The following ZNF133 variants were observed in gnomAD, a reference collection of about 807,000 sequenced individuals.
ZNF133 encodes the protein zinc finger protein 133 (clone pHZ-13).
In ZNF133, 26 loss-of-function variants were observed where a neutral mutation model predicts 54.9. That is an observed-to-expected ratio of 0.47 (90% CI 0.35 to 0.66). ZNF133 has a LOEUF of 0.66. Among genes scored for constraint, ZNF133 ranks in the 30% least tolerant of loss-of-function variants. The probability of loss-of-function intolerance (pLI) is 0.01; values close to 1 mark genes in which losing one functional copy is unlikely to be tolerated. For synonymous variants in ZNF133, 298 were observed against 320.3 expected, an observed-to-expected ratio of 0.93 and a Z score of 0.74; for missense variants, 653 against 820.8, an observed-to-expected ratio of 0.80 and a Z score of 2.50.
Position 18,305,734 on chromosome 20 carries a change from G to A in ZNF133, c.48G>A (p.Arg16=). Residue 16 remains arginine (R), a synonymous_variant, in exon 5 of 7, where the codon AGG becomes AGA. Transcript: ENST00000425686. The surrounding 1 kb of genome is among the most constrained non-coding windows in gnomAD (Gnocchi z 4.7). ...VAVDFTQDEW[R]LLSPAQRTLY... is the part of the protein sequence containing the mutation. ...TGGATTTCACCCAGGATGAGTGGAG[G>A]CTGCTGAGCCCTGCTCAAAGGACTC... The A allele has an allele frequency of 6.2e-7, 1 of 1,614,180 alleles. No individual in the cohort carries two copies. Among genetic ancestry groups the A allele is most frequent in the Non-Finnish European group, 8.5e-7 (1 of 1,180,024 alleles).
chr20:18,306,683 T>C, intron 6 of ZNF133: 1 of 1,326,894 alleles, frequency 7.5e-7, no homozygotes, highest in Non-Finnish European at 1.0e-6. Flanking sequence ...GGCTTCTTTC[T>C]CTTGTTACTG....
In ZNF133 at chr20:18,316,534, T is replaced by C; in HGVS notation, c.1683T>C (p.Asn561=). Residue 561 remains asparagine, a synonymous_variant, in exon 7 of 7, where the codon AAT becomes AAC. Transcript: ENST00000425686. ...MCRQCGLGFG[N]KSALITHKRA... is the part of the protein sequence containing the mutation. ...GGCAGTGTGGACTGGGCTTTGGCAA[T>C]AAGTCAGCTCTAATTACACACAAGC... The C allele has an allele frequency of 6.2e-7, 1 of 1,613,932 alleles. No individual in the cohort carries two copies.
chr20:18,294,183 AT>A (rs2041738078), intron 1 of ZNF133, among the ~76,000 whole-genome samples: 2 of 152,250 alleles, frequency 1.3e-5, no homozygotes, highest in Non-Finnish European at 2.9e-5. Context: ...ACATAACAAT[AT>A]CATGAACTCA....
At chr20:18,298,849 G>A (rs1024292395) in intron 3 of ZNF133, among the ~76,000 whole-genome samples, 13 of 152,154 alleles carry the variant, frequency 8.5e-5, no homozygotes, top group African/African-American at 3.1e-4. Context: ...ATGGGGGAAT[G>A]TAGAAGGTAT....
At chr20:18,289,149 G>T (rs1248961059) in intron 1 of ZNF133, among the ~76,000 whole-genome samples, 1 of 152,118 alleles carries the variant, frequency 6.6e-6, no homozygotes, top group Non-Finnish European at 1.5e-5. Flanking sequence ...ACAAGCCAAG[G>T]TTAGACTGGA....
intron 6 of ZNF133, chr20:18,313,441 G>A (rs577130888): frequency 3.3e-5 from 5 of 152,336 alleles, no homozygotes; most frequent in Non-Finnish European, 7.3e-5. Flanking sequence ...GGGTGGGTGG[G>A]AGGTATTACC....
Position 18,311,195 on chromosome 20 carries a change from C to T in ZNF133, c.218-3874C>T, listed in dbSNP as rs560156057. Reference sequence around the variant, plus strand: ...ATTAGCCAGGGTGAGGTGTTGTGTGCCTGTAGTCCCAGCTACTTAGGAAGC... The same window carrying T: ...ATTAGCCAGGGTGAGGTGTTGTGTGTCTGTAGTCCCAGCTACTTAGGAAGC... On this transcript the variant is annotated intron_variant, in intron 6 of 6. Coordinates refer to ENST00000425686, the MANE Select transcript of ZNF133 (RefSeq NM_001352452.2). 1.1e-4 allele frequency among the ~76,000 whole-genome samples: 16 copies of T among 152,208 alleles called. No individual in the cohort carries two copies. In the South Asian group the frequency reaches 3.3e-3, roughly 32 times the overall value.
chr20:18,291,665 A>G (rs2041027833), intron 1 of ZNF133, among the ~76,000 whole-genome samples: 1 of 150,656 alleles, frequency 6.6e-6, no homozygotes, highest in Non-Finnish European at 1.5e-5. Context: ...TGTGCAACTC[A>G]CATCCTGGTC....
chr20:18,315,059 C>T lies in ZNF133; in HGVS notation c.218-10C>T. 6.6e-7 allele frequency: 1 copy of T among 1,519,912 alleles called. No homozygotes were observed. The highest frequency in any genetic ancestry group is 8.8e-7 in the Non-Finnish European group (1 of 1,135,518). 94.2% of individuals were successfully genotyped at this position (1,519,912 alleles called of 1,614,324 possible). A position where few individuals can be genotyped will look rare whatever the true frequency, so the allele number is the denominator to read the frequency against. ...GGACTCAGTTGTGACTCACACTTTT[C>T]TCTCTGCAGCAGATCCAGAGCCAGA... On this transcript the variant is annotated splice_polypyrimidine_tract_variant and intron_variant, in intron 6 of 6. Transcript: ENST00000425686.
At position 18,315,092 on chromosome 20, in the gene ZNF133, C is replaced by A; in HGVS notation, c.241C>A (p.Leu81Ile). Residue 81 changes from leucine to isoleucine, a missense_variant, in exon 7 of 7, where the codon CTC becomes ATC. Leu to Ile is a conservative substitution (Grantham distance 5, BLOSUM62 2). This residue lies in a region of ZNF133 where 227 missense variants were observed against 233.9 expected (regional missense o/e 0.97). Coordinates refer to ENST00000425686, the MANE Select transcript of ZNF133 (RefSeq NM_001352452.2). The part of the protein sequence containing the change: ...CPADPEPELY[L>I]DPFCPPGFSS... Reference sequence around the variant, plus strand: ...AGCAGATCCAGAGCCAGAGCTCTACCTCGATCCTTTCTGCCCTCCGGGTTT... The same window carrying A: ...AGCAGATCCAGAGCCAGAGCTCTACATCGATCCTTTCTGCCCTCCGGGTTT... 6.5e-7 allele frequency: 1 copy of A among 1,547,424 alleles called. No homozygotes were observed. The highest frequency in any genetic ancestry group is 8.7e-7 in the Non-Finnish European group (1 of 1,147,454).
Position 18,305,545 on chromosome 20 carries a change from T to C in ZNF133, c.-6-136T>C. 7.7e-7 allele frequency: 1 copy of C among 1,291,562 alleles called. No homozygotes were observed. Among genetic ancestry groups the C allele is most frequent in the Non-Finnish European group, 1.1e-6 (1 of 931,172 alleles). The allele number at this position is 1,291,562 out of a possible 1,614,324, so 80.0% of individuals were successfully genotyped here. A position where few individuals can be genotyped will look rare whatever the true frequency, so the allele number is the denominator to read the frequency against. On this transcript the variant is annotated intron_variant, in intron 4 of 6. Coordinates refer to ENST00000425686, the MANE Select transcript of ZNF133 (RefSeq NM_001352452.2). The surrounding 1 kb of genome is among the most constrained non-coding windows in gnomAD (Gnocchi z 4.7). ...GGATTGAGACAGGGATTTAAAAGTC[T>C]TGGAACACATGGCACCAGGGTCACT...
chr20:18,299,439 G>T (rs1299355903), intron 3 of ZNF133, among the ~76,000 whole-genome samples: 1 of 152,144 alleles, frequency 6.6e-6, no homozygotes, highest in Non-Finnish European at 1.5e-5. Context: ...AGAGCCTAAG[G>T]GAACTATGGG....
At position 18,315,997 on chromosome 20, in the gene ZNF133, C is replaced by T. The variant is rs539564855; in HGVS notation, c.1146C>T (p.Tyr382=). The T allele has an allele frequency of 2.4e-5, 39 of 1,610,056 alleles. No homozygotes were observed. The highest frequency in any genetic ancestry group is 1.6e-4 in the East Asian group (7 of 44,536). ...HQRTHSGEKP[Y]ACKECGRCFR... is the part of the protein sequence containing the mutation. ...GGACGCACTCTGGGGAGAAGCCCTA[C>T]GCCTGCAAGGAGTGTGGGCGATGCT... Residue 382 remains tyrosine (Y), a synonymous_variant, in exon 7 of 7, where the codon TAC becomes TAT. Transcript: ENST00000425686.
In ZNF133 at chr20:18,315,991, G is replaced by A; in HGVS notation, c.1140G>A (p.Lys380=). The change falls in exon 7 of 7, where the codon AAG becomes AAA. Residue 380 remains lysine (K), a synonymous_variant. Transcript: ENST00000425686. ...ISHQRTHSGE[K]PYACKECGRC... ...ACCAGAGGACGCACTCTGGGGAGAA[G>A]CCCTACGCCTGCAAGGAGTGTGGGC... The A allele has an allele frequency of 6.2e-7, 1 of 1,613,452 alleles. No homozygotes were observed. The highest frequency in any genetic ancestry group is 8.5e-7 in the Non-Finnish European group (1 of 1,179,842).
intron 6 of ZNF133, among the ~76,000 whole-genome samples, chr20:18,309,685 G>A (rs1568781601): frequency 6.6e-6 from 1 of 152,166 alleles, no homozygotes; most frequent in Non-Finnish European, 1.5e-5. Flanking sequence ...ATGTGAGGCT[G>A]GTAGGTGATC....
chr20:18,296,841 C>G (rs1412548009), intron 1 of ZNF133, among the ~76,000 whole-genome samples: 1 of 152,142 alleles, frequency 6.6e-6, no homozygotes, highest in Non-Finnish European at 1.5e-5. Context: ...GAGAAACCAC[C>G]ATACTGGTTT....
intron 3 of ZNF133, among the ~76,000 whole-genome samples, chr20:18,300,678 A>G (rs1289892692): frequency 6.6e-6 from 1 of 152,142 alleles, no homozygotes; most frequent in African/African-American, 2.4e-5. Context: ...CTACATTAAT[A>G]CCAGAAAAAA....
At chr20:18,313,165 T>C (rs1401792155) in intron 6 of ZNF133, 1 of 152,244 alleles carries the variant, frequency 6.6e-6, no homozygotes, top group East Asian at 1.9e-4. Flanking sequence ...TGTTAAAATT[T>C]CTTCTAAGAC....
At chr20:18,300,654 G>T (rs2043178618) in intron 3 of ZNF133, among the ~76,000 whole-genome samples, 1 of 152,034 alleles carries the variant, frequency 6.6e-6, no homozygotes, top group Non-Finnish European at 1.5e-5. Flanking sequence ...AGAAACCAAA[G>T]AAAGTAGGAG....
Sources: gnomAD v4.1 joint callset for allele counts (sites outside exome capture counted in the v4.1 genomes callset) on GRCh38, gnomAD v4.1.1 for gene constraint, gnomAD v4.1.1 regional missense constraint, Gnocchi (gnomAD v3.1) non-coding constraint, MANE v1.5 for transcripts, NCBI Gene and HGNC (gene_info 2026-07-23, HGNC 2026-07-21) for gene names.